The following USP16 variants were observed in gnomAD, a reference collection of about 807,000 sequenced individuals.
USP16 encodes the protein ubiquitin specific peptidase 16, also known as ubiquitin carboxyl-terminal hydrolase 16.
In USP16, 77 loss-of-function variants were observed where a neutral mutation model predicts 95.9. The observed-to-expected ratio is 0.80, with a 90% CI of 0.67 to 0.97. The LOEUF (loss-of-function observed/expected upper bound fraction) is 0.97, where lower values mean the gene tolerates loss of function less well. Ranked by LOEUF, USP16 falls within the 50% of genes least tolerant of loss-of-function variation. The pLI, the probability that USP16 is intolerant of heterozygous loss-of-function variation, is 0.00. For synonymous variants in USP16, 303 were observed against 318.2 expected (o/e 0.95, Z 0.51); for missense variants, 943 against 959.9 (o/e 0.98, Z 0.23).
intron 3 of USP16, 131 bp downstream of exon 3, chr21:29,030,904 G>A (rs1242423484): frequency 1.9e-6 from 2 of 1,039,102 alleles, no homozygotes; most frequent in South Asian, 1.8e-5. Context: ...TGGAGAACCA[G>A]TTCTGAGATG....
chr21:29,043,515 C>T lies in USP16; in HGVS notation c.1272C>T (p.Tyr424=). The change falls in exon 13 of 18, where the codon TAC becomes TAT. Residue 424 remains tyrosine, a synonymous_variant. Transcript: ENST00000399976. The part of the protein sequence containing the change: ...DSEEEKDNDS[Y]IKERSDIPSG... The stretch of plus-strand genomic sequence containing the variant: ...AGGAAGAAAAAGATAACGACAGTTA[C>T]ATAAAAGAGAGAAGTGATATTCCTT... The T allele has an allele frequency of 6.3e-7, 1 of 1,599,088 alleles. No individual in the cohort carries two copies. The highest frequency in any genetic ancestry group is 8.5e-7 in the Non-Finnish European group (1 of 1,174,128).
chr21:29,028,976 A>G (rs1483809870), intron 2 of USP16, among the ~76,000 whole-genome samples: 1 of 152,202 alleles, frequency 6.6e-6, no homozygotes, highest in African/African-American at 2.4e-5. Context: ...GACTCTTTTG[A>G]TCCTGTTGCT....
intron 14 of USP16, among the ~76,000 whole-genome samples, chr21:29,047,566 C>T (rs1042717486): frequency 3.3e-5 from 5 of 152,114 alleles, no homozygotes; most frequent in African/African-American, 7.2e-5. Context: ...TAAATTATCC[C>T]CTTGGAATGC....
Position 29,040,705 on chromosome 21 carries a change from G to T in USP16, c.1030+18G>T. The T allele has an allele frequency of 1.4e-6, 2 of 1,379,658 alleles. No homozygotes were observed. The highest frequency in any genetic ancestry group is 2.5e-5 in the South Asian group (2 of 80,296). The allele number at this position is 1,379,658 out of a possible 1,614,324, so 85.5% of individuals were successfully genotyped here. A position where few individuals can be genotyped will look rare whatever the true frequency, so the allele number is the denominator to read the frequency against. On this transcript the variant is annotated intron_variant, in intron 10 of 17. Transcript: ENST00000399976. ...AGTTAAAGGTAATGTCTGACTTTTT[G>T]AACTAAAACACTATAGTTGAATTCC...
chr21:29,024,964 T>C (rs2084963766), intron 1 of USP16, 187 bp downstream of exon 1: 2 of 546,742 alleles, frequency 3.7e-6, no homozygotes, highest in South Asian at 2.3e-5. Context: ...AGCTGGCCAA[T>C]GAGATGCCGC....
rs1259135414 is a variant in USP16, at chr21:29,039,580, A to T, written c.951+12A>T. On this transcript the variant is annotated intron_variant, in intron 9 of 17. Transcript: ENST00000399976. Reference sequence around the variant, plus strand: ...CAGAAGAACACCAAGTTAGCATGTTATGACCATTGTATTTTATGATCTTAT... The same window carrying T: ...CAGAAGAACACCAAGTTAGCATGTTTTGACCATTGTATTTTATGATCTTAT... 4 of 1,609,120 alleles carry T rather than the reference A, an allele frequency of 2.5e-6. No individual in the cohort carries two copies. The highest frequency in any genetic ancestry group is 3.4e-6 in the Non-Finnish European group (4 of 1,176,600).
chr21:29,047,980 AT>A (rs2146395425), intron 14 of USP16, among the ~76,000 whole-genome samples: 1 of 151,866 alleles, frequency 6.6e-6, no homozygotes, highest in South Asian at 2.1e-4. Flanking sequence ...GTATATATAT[AT>A]AAGCTCAGAG....
At chr21:29,038,893 A>T (rs559249868) in intron 7 of USP16, 133 bp from the exon 8 acceptor site, 1 of 826,232 alleles carries the variant, frequency 1.2e-6, no homozygotes, top group Admixed American at 3.2e-5. Flanking sequence ...ATCTCTTTTG[A>T]TGTACATTTT....
intron 9 of USP16, among the ~76,000 whole-genome samples, chr21:29,040,280 C>G (rs1601058508): frequency 6.6e-6 from 1 of 152,072 alleles, no homozygotes; most frequent in East Asian, 1.9e-4. Flanking sequence ...TGGAGTCAGA[C>G]CCTGTGGCTG....
At chr21:29,032,899 T>C (rs1026063320) in intron 3 of USP16, among the ~76,000 whole-genome samples, 3 of 152,238 alleles carry the variant, frequency 2.0e-5, no homozygotes, top group African/African-American at 4.8e-5. Context: ...TAGCAGTGTA[T>C]GAATGATTCA....
At position 29,046,725 on chromosome 21, in the gene USP16, C is replaced by T. The variant is rs2085328879; in HGVS notation, c.1415C>T (p.Thr472Ile). Reference protein sequence around the residue: ...GKVLHLNDICTIDHPEDSEYE... With the variant: ...GKVLHLNDICIIDHPEDSEYE... The stretch of plus-strand genomic sequence containing the variant: ...GTTCTTCATTTAAATGATATTTGTA[C>T]TATTGACCATCCTGAAGACAGTGAA... The change falls in exon 14 of 18, where the codon ACT (threonine) becomes ATT (isoleucine). Residue 472 changes from threonine to isoleucine, a missense_variant. By Grantham distance (89) the Thr-to-Ile change is moderately conservative. Coordinates refer to ENST00000399976, the MANE Select transcript of USP16 (RefSeq NM_006447.3). 6.2e-7 allele frequency: 1 copy of T among 1,613,714 alleles called. No individual in the cohort carries two copies. The highest frequency in any genetic ancestry group is 8.5e-7 in the Non-Finnish European group (1 of 1,179,970).
Position 29,043,554 on chromosome 21 carries a change from G to A in USP16, c.1311G>A (p.Lys437=). ...ERSDIPSGTS[K]HLQKKAKKQA... ...GTGATATTCCTTCTGGAACAAGTAAGCACTTACAGAAAAAAGCAAAGAAAC... is the reference window on the plus strand; with the variant it reads ...GTGATATTCCTTCTGGAACAAGTAAACACTTACAGAAAAAAGCAAAGAAAC... The change falls in exon 13 of 18, where the codon AAG becomes AAA. Residue 437 remains lysine (K), a synonymous_variant. Transcript: ENST00000399976. The A allele has an allele frequency of 6.3e-7, 1 of 1,576,848 alleles. No homozygotes were observed. Among genetic ancestry groups the A allele is most frequent in the Non-Finnish European group, 8.6e-7 (1 of 1,167,370 alleles).
intron 3 of USP16, 73 bp from the exon 4 acceptor site, chr21:29,034,764 T>A (rs2085128772): frequency 8.0e-6 from 11 of 1,367,122 alleles, no homozygotes; most frequent in African/African-American, 1.4e-5. Context: ...CTTCCTTGTT[T>A]ATGATAGATT....
In USP16 at chr21:29,038,383, A is replaced by G; in HGVS notation, c.685A>G (p.Met229Val). ...VLRELLKEVK[M>V]SGTIVKIEPP... ...TAGAGAACTACTAAAAGAAGTGAAA[A>G]TGTCTGGAACAATTGTAAAAATTGA... is the stretch of plus-strand genomic sequence containing the variant. Residue 229 changes from methionine (M) to valine (V), a missense_variant, in exon 7 of 18, where the codon ATG becomes GTG. Transcript: ENST00000399976. The G allele has an allele frequency of 9.9e-6, 16 of 1,613,250 alleles. No individual in the cohort carries two copies. The highest frequency in any genetic ancestry group is 1.4e-5 in the Non-Finnish European group (16 of 1,179,438).
chr21:29,029,537 A>G (rs1184368482), intron 2 of USP16, among the ~76,000 whole-genome samples: 1 of 152,232 alleles, frequency 6.6e-6, no homozygotes, highest in Non-Finnish European at 1.5e-5. Context: ...GTGCAAGATC[A>G]TTGGACATAA....
Position 29,054,055 on chromosome 21 carries a change from T to C in USP16, c.2351-11T>C. ...TCCATTTATGTTTGATTTTTCATTT[T>C]CTCATGACAGATTTTGAAATGGAAT... is the stretch of plus-strand genomic sequence containing the variant. On this transcript the variant is annotated splice_polypyrimidine_tract_variant and intron_variant, in intron 17 of 17. Coordinates refer to ENST00000399976, the MANE Select transcript of USP16 (RefSeq NM_006447.3). 1 of 1,614,164 alleles carries C rather than the reference T, an allele frequency of 6.2e-7. No individual in the cohort carries two copies. The highest frequency in any genetic ancestry group is 8.5e-7 in the Non-Finnish European group (1 of 1,179,978).
intron 1 of USP16, 61 bp downstream of exon 1, chr21:29,024,838 C>G: frequency 8.1e-7 from 1 of 1,231,126 alleles, no homozygotes; most frequent in Non-Finnish European, 1.0e-6. Flanking sequence ...GCTGGGAGAG[C>G]TCCTGTTTTC....
rs560845776 is a variant in USP16 at position 29,043,167 on chromosome 21, T to A, written c.1180-256T>A. The stretch of plus-strand genomic sequence containing the variant: ...TGTGACACAGCATGTATCTAATAAA[T>A]TTCGTTATATTTCTATTACACTTAC... On this transcript the variant is annotated intron_variant, in intron 12 of 17. Transcript: ENST00000399976. 861 of 243,778 alleles carry A rather than the reference T, an allele frequency of 3.5e-3. 9 individuals are homozygous for A. The highest frequency in any genetic ancestry group is 0.014 in the South Asian group (93 of 6,804). The allele number at this position is 243,778 out of a possible 1,614,324, so 15.1% of individuals were successfully genotyped here.
At position 29,042,454 on chromosome 21, in the gene USP16, CT is replaced by C. The variant is rs750961394; in HGVS notation, c.1123-14del. The stretch of plus-strand genomic sequence containing the variant: ...TACAGTATTTACATTTTTACACTGT[CT>C]TTTCTGATTGGTTAAGGTCTCCTTG... On this transcript the variant is annotated splice_polypyrimidine_tract_variant and intron_variant, in intron 11 of 17. Transcript: ENST00000399976. 6.2e-7 allele frequency: 1 copy of C among 1,600,102 alleles called. No individual in the cohort carries two copies. Among genetic ancestry groups the C allele is most frequent in the Admixed American group, 1.8e-5 (1 of 56,856 alleles).
Sources: gnomAD v4.1 joint callset for allele counts (sites outside exome capture counted in the v4.1 genomes callset) on GRCh38, gnomAD v4.1.1 for gene constraint, MANE v1.5 for transcripts, NCBI Gene and HGNC (gene_info 2026-07-23, HGNC 2026-07-21) for gene names.